The following SPATA6 variants were observed in gnomAD, a reference collection of about 807,000 sequenced individuals.
SPATA6 encodes the protein spermatogenesis-associated protein 6.
In SPATA6, 56 loss-of-function variants were observed where a neutral mutation model predicts 65.3. The observed-to-expected ratio is 0.86, with a 90% CI of 0.69 to 1.07. The LOEUF is 1.07. Among genes scored for constraint, SPATA6 ranks in the 50% least tolerant of loss-of-function variants. The pLI, the probability that SPATA6 is intolerant of heterozygous loss-of-function variation, is 0.00. For missense variants in SPATA6, 590 were observed against 594.8 expected (o/e 0.99, Z 0.08); for synonymous variants, 199 against 213.2 (o/e 0.93, Z 0.58).
intron 11 of SPATA6, among the ~76,000 whole-genome samples, chr1:48,308,284 C>T (rs1645110555): frequency 6.6e-6 from 1 of 151,968 alleles, no homozygotes. Flanking sequence ...CATCTTAATA[C>T]AGAAGAATCT....
intron 1 of SPATA6, among the ~76,000 whole-genome samples, chr1:48,455,227 G>A (rs1656906973): frequency 6.6e-6 from 1 of 152,108 alleles, no homozygotes; most frequent in African/African-American, 2.4e-5. Flanking sequence ...AAGAAGGGCT[G>A]TAAGTGTAAA....
chr1:48,401,971 T>C (rs1226214512), intron 6 of SPATA6, among the ~76,000 whole-genome samples: 1 of 152,174 alleles, frequency 6.6e-6, no homozygotes, highest in Non-Finnish European at 1.5e-5. Context: ...TTTAATAATG[T>C]TACATGCTAG....
intron 10 of SPATA6, among the ~76,000 whole-genome samples, chr1:48,359,160 G>A (rs1206396238): frequency 1.3e-5 from 2 of 152,098 alleles, no homozygotes; most frequent in African/African-American, 2.4e-5. Flanking sequence ...ATGCTCTTAG[G>A]GAGCTGGGGT....
chr1:48,364,609 CAT>C (rs1277605277), intron 9 of SPATA6, among the ~76,000 whole-genome samples: 1 of 152,102 alleles, frequency 6.6e-6, no homozygotes, highest in Non-Finnish European at 1.5e-5. Context: ...TCTTTTGAGA[CAT>C]GTCTGTTCAT....
chr1:48,267,148 C>A, the SPATA6 span, among the ~76,000 whole-genome samples: 2 of 152,052 alleles, frequency 1.3e-5, no homozygotes. Context: ...TCAGGGCCTG[C>A]GATGGGAGTG....
chr1:48,445,928 A>G (rs1557720000), intron 3 of SPATA6, among the ~76,000 whole-genome samples: 1 of 152,158 alleles, frequency 6.6e-6, no homozygotes, highest in Non-Finnish European at 1.5e-5. Context: ...TCAAGAAAAT[A>G]TAACAATTAT....
intron 11 of SPATA6, among the ~76,000 whole-genome samples, chr1:48,328,512 C>T (rs1645828405): frequency 6.6e-6 from 1 of 152,060 alleles, no homozygotes; most frequent in Non-Finnish European, 1.5e-5. Context: ...GTCACAAAGA[C>T]CATATATCAT....
At chr1:48,348,970 G>A (rs546921857) in intron 11 of SPATA6, among the ~76,000 whole-genome samples, 18 of 151,926 alleles carry the variant, frequency 1.2e-4, no homozygotes, top group African/African-American at 3.1e-4. Context: ...AATATTTTCA[G>A]TATTGCTAAT....
intron 11 of SPATA6, among the ~76,000 whole-genome samples, chr1:48,318,454 A>G (rs1413480558): frequency 6.6e-6 from 1 of 152,214 alleles, no homozygotes; most frequent in Non-Finnish European, 1.5e-5. Flanking sequence ...ACATATGAAA[A>G]TGCATTGTAT....
At chr1:48,403,966 C>T in intron 5 of SPATA6, 84 bp from the exon 6 acceptor site, 2 of 942,718 alleles carry the variant, frequency 2.1e-6, no homozygotes, top group Non-Finnish European at 3.1e-6. Flanking sequence ...CCTAAAGTAA[C>T]AAACACCTGT....
intron 3 of SPATA6, among the ~76,000 whole-genome samples, chr1:48,419,678 T>C (rs1464710744): frequency 3.9e-5 from 6 of 152,168 alleles, no homozygotes; most frequent in African/African-American, 1.4e-4. Flanking sequence ...CAGAGCACAA[T>C]AAACTTAGGC....
rs1446821994 is a variant in SPATA6 at position 48,296,184 on chromosome 1, C to A, written c.*2529G>T. On this transcript the variant is annotated 3_prime_UTR_variant, in exon 13 of 13. Transcript: ENST00000371847. Reference sequence around the variant, plus strand: ...AAAAAAAAAAGGCTAAGAGAATAAACAACTGCACCTTTCTGCTCCTGTGAA... The same window carrying A: ...AAAAAAAAAAGGCTAAGAGAATAAAAAACTGCACCTTTCTGCTCCTGTGAA... 6.6e-6 allele frequency: 1 copy of A among 150,748 alleles called. No homozygotes were observed. Among genetic ancestry groups the A allele is most frequent in the Non-Finnish European group, 1.5e-5 (1 of 67,728 alleles). 9.3% of individuals were successfully genotyped at this position (150,748 alleles called of 1,614,324 possible).
chr1:48,276,941 C>T, the SPATA6 span, among the ~76,000 whole-genome samples: 3 of 151,606 alleles, frequency 2.0e-5, no homozygotes, highest in Non-Finnish European at 2.9e-5. Flanking sequence ...AAGTCTTCCA[C>T]TATTATTGTG....
chr1:48,275,836 T>G, the SPATA6 span, among the ~76,000 whole-genome samples: 1 of 152,218 alleles, frequency 6.6e-6, no homozygotes, highest in East Asian at 1.9e-4. Flanking sequence ...ATCAGGATGA[T>G]GCTGGACTCA....
chr1:48,355,979 C>T (rs1234124730), intron 10 of SPATA6, among the ~76,000 whole-genome samples: 3 of 152,050 alleles, frequency 2.0e-5, no homozygotes, highest in Non-Finnish European at 4.4e-5. Flanking sequence ...CATATGAAAA[C>T]AGTAATTCTA....
the SPATA6 span, among the ~76,000 whole-genome samples, chr1:48,277,554 C>T: frequency 4.6e-5 from 7 of 152,216 alleles, no homozygotes; most frequent in East Asian, 3.9e-4. Context: ...GAGGGTCCTA[C>T]GCCCACAGAG....
chr1:48,309,576 C>T (rs1393491100), intron 11 of SPATA6, among the ~76,000 whole-genome samples: 1 of 152,040 alleles, frequency 6.6e-6, no homozygotes, highest in African/African-American at 2.4e-5. Context: ...TCTTTTGGTT[C>T]TTTGAATAAC....
rs1407319878 is a variant in SPATA6 at position 48,453,098 on chromosome 1, CTT to C, written c.83_84del (p.Lys28ArgfsTer6). ...VTCPGVVLKD[K>X]EDIYLSICVF... ...ACACAGATGCTAAGATAGATGTCCTCTTTGTCTTTAAGCACGACTCCTGGGCA... is the reference window on the plus strand; with the variant it reads ...ACACAGATGCTAAGATAGATGTCCTCTGTCTTTAAGCACGACTCCTGGGCA... On this transcript the variant is annotated frameshift_variant, in exon 2 of 13. Coordinates refer to ENST00000371847, the MANE Select transcript of SPATA6 (RefSeq NM_019073.4). LOFTEE classifies it high-confidence loss of function. 1 of 1,613,340 alleles carries C rather than the reference CTT, an allele frequency of 6.2e-7. No individual in the cohort carries two copies. Among genetic ancestry groups the C allele is most frequent in the Non-Finnish European group, 8.5e-7 (1 of 1,179,782 alleles).
intron 11 of SPATA6, among the ~76,000 whole-genome samples, chr1:48,333,076 T>C (rs928600000): frequency 4.6e-5 from 7 of 152,170 alleles, no homozygotes; most frequent in African/African-American, 1.7e-4. Flanking sequence ...ATCTGGCTGT[T>C]ACCAGAAGAG....
Sources: allele counts gnomAD v4.1 joint callset (sites outside exome capture counted in the v4.1 genomes callset), GRCh38; gene constraint gnomAD v4.1.1; transcripts MANE v1.5; gene names NCBI Gene and HGNC (gene_info 2026-07-23, HGNC 2026-07-21).